The following USH2A variants were observed in gnomAD, a reference collection of about 807,000 sequenced individuals.
USH2A encodes the protein usherin.
USH2A carries 443 observed loss-of-function variants against 538.9 expected under a neutral mutation model. The observed-to-expected ratio is 0.82, with a 90% confidence interval of 0.76 to 0.89. USH2A has a LOEUF of 0.89. Ranked by LOEUF, USH2A falls within the 40% of genes least tolerant of loss-of-function variation. The pLI, the probability that USH2A is intolerant of heterozygous loss-of-function variation, is 0.00. For synonymous variants in USH2A, 2,413 were observed against 2,273.5 expected (o/e 1.06, Z -1.75); for missense variants, 6,633 against 6,324.8 (o/e 1.05, Z -1.65).
chr1:215,780,042 C>T lies in USH2A; in HGVS notation c.10741-1G>A. On this transcript the variant is annotated splice_acceptor_variant, in intron 54 of 71. Transcript: ENST00000307340. LOFTEE classifies it high-confidence loss of function. ...CTCCTTGGGTAGTAGCTGCAACTAC[C>T]TGAAGACGTAGGAATTAAGCAGCAA... is the stretch of plus-strand genomic sequence containing the variant. The T allele has an allele frequency of 5.6e-6, 9 of 1,614,096 alleles. No individual in the cohort carries two copies. The highest frequency in any genetic ancestry group is 7.6e-6 in the Non-Finnish European group (9 of 1,180,022).
intron 23 of USH2A, among the ~76,000 whole-genome samples, chr1:216,087,575 CA>C (rs1486475027): frequency 1.3e-5 from 2 of 152,034 alleles, no homozygotes; most frequent in East Asian, 3.9e-4. Flanking sequence ...TATTCAGACT[CA>C]AGCAGCCATA....
At position 215,839,136 on chromosome 1, in the gene USH2A, A is replaced by G. The variant is rs182522767; in HGVS notation, c.9259-1033T>C. Reference sequence around the variant, plus strand: ...TTGATGCCATATAGTCTTTTGAGGTATTAATAGTGGATATTTAAACACTAT... The same window carrying G: ...TTGATGCCATATAGTCTTTTGAGGTGTTAATAGTGGATATTTAAACACTAT... On this transcript the variant is annotated intron_variant, in intron 46 of 71. Transcript: ENST00000307340. 1.7e-3 allele frequency among the ~76,000 whole-genome samples: 263 copies of G among 152,278 alleles called. 1 individual carries two copies. Among genetic ancestry groups the G allele is most frequent in the Non-Finnish European group, 3.3e-3 (223 of 68,000 alleles).
chr1:215,996,293 G>A (rs1418503257), intron 34 of USH2A, among the ~76,000 whole-genome samples: 3 of 151,964 alleles, frequency 2.0e-5, no homozygotes, highest in Non-Finnish European at 2.9e-5. Flanking sequence ...TTTAAAGCAC[G>A]AAGAAAAAGA....
rs371667168 is a variant in USH2A, at chr1:215,780,012, C to T, written c.10770G>A (p.Pro3590=). The T allele has an allele frequency of 1.1e-5, 17 of 1,613,926 alleles. 1 individual carries two copies. The East Asian group carries it at 1.6e-4, about 15-fold the overall frequency. ...KVVAATTQGV[P]ESILPPSITA... is the part of the protein sequence containing the mutation. ...TGATGCTTGGTGGCAGGATGCTCTC[C>T]GGAACTCCTTGGGTAGTAGCTGCAA... is the stretch of plus-strand genomic sequence containing the variant. The change falls in exon 55 of 72, where the codon CCG becomes CCA. Residue 3590 remains proline, a synonymous_variant. Coordinates refer to ENST00000307340, the MANE Select transcript of USH2A (RefSeq NM_206933.4).
chr1:216,066,287 G>A (rs1034256422), intron 30 of USH2A, among the ~76,000 whole-genome samples: 3 of 151,980 alleles, frequency 2.0e-5, no homozygotes, highest in Admixed American at 1.3e-4. Context: ...TGGCTAACAT[G>A]GTGAAACCCT....
intron 60 of USH2A, among the ~76,000 whole-genome samples, chr1:215,728,965 T>G (rs766590270): frequency 5.3e-5 from 8 of 152,186 alleles, no homozygotes; most frequent in Admixed American, 6.5e-5. Flanking sequence ...TGGGAATCCT[T>G]ACCCTTCTAT....
rs567479265 is a variant in USH2A at position 215,874,663 on chromosome 1, T to C, written c.8681+3095A>G. ...AATATATTCATAAAGAGATGTCTAG[T>C]GAATCTTAATTTTACTTTTTATATC... is the stretch of plus-strand genomic sequence containing the variant. On this transcript the variant is annotated intron_variant, in intron 43 of 71. Transcript: ENST00000307340. 7.2e-5 allele frequency among the ~76,000 whole-genome samples: 11 copies of C among 152,296 alleles called. No homozygotes were observed. In the East Asian group the frequency reaches 2.1e-3, roughly 29 times the overall value.
chr1:215,947,412 T>C (rs1408592480), intron 37 of USH2A, among the ~76,000 whole-genome samples: 1 of 152,240 alleles, frequency 6.6e-6, no homozygotes, highest in Admixed American at 6.5e-5. Context: ...TTCAAAATTA[T>C]ATATGTAGCT....
chr1:216,066,864 C>T (rs2031391627), intron 30 of USH2A, among the ~76,000 whole-genome samples: 1 of 152,122 alleles, frequency 6.6e-6, no homozygotes, highest in Admixed American at 6.5e-5. Flanking sequence ...AACTTATCCA[C>T]AGGGAAGGTA....
At chr1:215,781,527 A>T (rs1661635371) in intron 54 of USH2A, among the ~76,000 whole-genome samples, 1 of 152,102 alleles carries the variant, frequency 6.6e-6, no homozygotes, top group African/African-American at 2.4e-5. Context: ...CTGTTGTATC[A>T]TTCTGTATTC....
chr1:216,062,523 T>C (rs1028363018), intron 30 of USH2A, among the ~76,000 whole-genome samples: 1 of 152,194 alleles, frequency 6.6e-6, no homozygotes, highest in South Asian at 2.1e-4. Flanking sequence ...ATGAATTCAT[T>C]GAACACTCAC....
At chr1:215,748,818 A>C (rs1660551124) in intron 58 of USH2A, among the ~76,000 whole-genome samples, 1 of 152,230 alleles carries the variant, frequency 6.6e-6, no homozygotes, top group Admixed American at 6.5e-5. Flanking sequence ...ATTAAATTAG[A>C]AAATATCTGT....
chr1:216,395,573 C>T (rs1430691118), intron 3 of USH2A, among the ~76,000 whole-genome samples: 1 of 152,154 alleles, frequency 6.6e-6, no homozygotes, highest in Non-Finnish European at 1.5e-5. Context: ...ACAACTTATG[C>T]TCCTCAAAAC....
rs1669153823 is a variant in USH2A, at chr1:216,032,615, C to T, written c.6325+13816G>A. Among the ~76,000 whole-genome samples the T allele has an allele frequency of 2.0e-5, 3 of 152,198 alleles. No individual in the cohort carries two copies. In the South Asian group the frequency reaches 6.2e-4, roughly 32 times the overall value. On this transcript the variant is annotated intron_variant, in intron 32 of 71. Transcript: ENST00000307340. The stretch of plus-strand genomic sequence containing the variant: ...TTATATGGAGAAAAGGAAATGAATC[C>T]TGGTGGGTGCAAACTAACTACGAGC...
intron 43 of USH2A, among the ~76,000 whole-genome samples, chr1:215,871,046 T>C (rs1664612647): frequency 6.6e-6 from 1 of 152,174 alleles, no homozygotes. Flanking sequence ...AGTAAGTGAA[T>C]ACTTATATTG....
At chr1:215,963,484 A>G (rs1667252501) in intron 37 of USH2A, among the ~76,000 whole-genome samples, 1 of 152,100 alleles carries the variant, frequency 6.6e-6, no homozygotes, top group African/African-American at 2.4e-5. Flanking sequence ...AATTGCTTCC[A>G]ATTTGTCTGT....
At chr1:215,931,963 A>G (rs1379330735) in intron 38 of USH2A, among the ~76,000 whole-genome samples, 1 of 152,016 alleles carries the variant, frequency 6.6e-6, no homozygotes, top group African/African-American at 2.4e-5. Flanking sequence ...GGATTTGGCC[A>G]GATTAAACGG....
chr1:216,059,267 T>C (rs1052913580), intron 30 of USH2A, among the ~76,000 whole-genome samples: 5 of 152,186 alleles, frequency 3.3e-5, no homozygotes, highest in Non-Finnish European at 5.9e-5. Context: ...AAATCAGGCA[T>C]AAGGCAAAAA....
intron 32 of USH2A, among the ~76,000 whole-genome samples, chr1:216,032,210 A>G (rs145212393): frequency 5.5e-4 from 83 of 152,198 alleles, no homozygotes; most frequent in African/African-American, 1.9e-3. Context: ...TTGCATGCAG[A>G]GGATGTTTTG....
Sources: allele counts gnomAD v4.1 joint callset (sites outside exome capture counted in the v4.1 genomes callset), GRCh38; gene constraint gnomAD v4.1.1; transcripts MANE v1.5; gene names NCBI Gene and HGNC (gene_info 2026-07-23, HGNC 2026-07-21).